COG5: variants seen among roughly 807,000 people sequenced by gnomAD.
COG5 encodes the protein component of oligomeric golgi complex 5, also known as conserved oligomeric Golgi complex subunit 5.
Under a neutral mutation model 110.4 loss-of-function variants are expected in COG5, and 86 were observed. The ratio of observed to expected loss-of-function variants is 0.78; its 90% CI spans 0.65 to 0.93. COG5 has a LOEUF of 0.93. COG5 is among the 40% of genes least tolerant of loss of function. The pLI is 0.00. For synonymous variants in COG5, 360 were observed against 334.6 expected (o/e 1.08, Z -0.83); for missense variants, 1,077 against 987.0 (o/e 1.09, Z -1.22).
At chr7:107,280,999 C>T (rs1805120296) in intron 14 of COG5, among the ~76,000 whole-genome samples, 1 of 151,460 alleles carries the variant, frequency 6.6e-6, no homozygotes, top group African/African-American at 2.4e-5. Context: ...ATGTAAATTA[C>T]TAAAATATTT....
At chr7:107,411,449 G>A (rs1036488950) in intron 7 of COG5, among the ~76,000 whole-genome samples, 3 of 151,992 alleles carry the variant, frequency 2.0e-5, no homozygotes, top group Non-Finnish European at 4.4e-5. Context: ...AATGTTAGAA[G>A]TTAGAATAAT....
intron 17 of COG5, among the ~76,000 whole-genome samples, chr7:107,242,548 G>A (rs1212350161): frequency 6.6e-6 from 1 of 152,230 alleles, no homozygotes; most frequent in Non-Finnish European, 1.5e-5. Flanking sequence ...GCCTCCAGTG[G>A]CAGCTGAGAG....
intron 11 of COG5, among the ~76,000 whole-genome samples, chr7:107,306,077 G>C (rs1282538774): frequency 6.6e-6 from 1 of 151,930 alleles, no homozygotes; most frequent in Non-Finnish European, 1.5e-5. Flanking sequence ...CAAATACTAA[G>C]GGCCATACAG....
intron 10 of COG5, among the ~76,000 whole-genome samples, chr7:107,347,664 T>C (rs1811743331): frequency 6.6e-6 from 1 of 152,230 alleles, no homozygotes; most frequent in East Asian, 1.9e-4. Context: ...ACACATTATA[T>C]GTATCACATC....
At chr7:107,520,715 C>T (rs1044744879) in intron 6 of COG5, among the ~76,000 whole-genome samples, 1 of 152,194 alleles carries the variant, frequency 6.6e-6, no homozygotes, top group Admixed American at 6.5e-5. Flanking sequence ...AATGGCCATA[C>T]TATCCAAAGT....
chr7:107,268,024 A>C (rs1381401938), intron 14 of COG5, among the ~76,000 whole-genome samples: 1 of 152,196 alleles, frequency 6.6e-6, no homozygotes, highest in South Asian at 2.1e-4. Flanking sequence ...GCTGAAGTGC[A>C]ATGGCACAAT....
At chr7:107,560,217 C>T (rs1803668155) in intron 1 of COG5, among the ~76,000 whole-genome samples, 1 of 152,128 alleles carries the variant, frequency 6.6e-6, no homozygotes, top group Non-Finnish European at 1.5e-5. Flanking sequence ...TCAGCAAACA[C>T]TACAAAAATC....
Position 107,236,623 on chromosome 7 carries a change from A to C in COG5, c.1918T>G (p.Phe640Val). ...TAGTCACTCATAACTCTGGCAATGA[A>C]ACCTTGTAGCTCCTTCATGTACAGA... ...CSLYMKELQG[F>V]IARVMSDYFK... Residue 640 changes from phenylalanine to valine, a missense_variant, in exon 18 of 22, where the codon TTC (phenylalanine) becomes GTC (valine). By Grantham distance (50) the Phe-to-Val change is conservative. Coordinates refer to ENST00000297135, the MANE Select transcript of COG5 (RefSeq NM_006348.5). 6.2e-7 allele frequency: 1 copy of C among 1,614,182 alleles called. No individual in the cohort carries two copies. The highest frequency in any genetic ancestry group is 8.5e-7 in the Non-Finnish European group (1 of 1,180,016).
chr7:107,541,134 G>C (rs1394181808), intron 5 of COG5, among the ~76,000 whole-genome samples: 1 of 149,996 alleles, frequency 6.7e-6, no homozygotes, highest in South Asian at 2.1e-4. Flanking sequence ...CTGGGCAACA[G>C]AGCGGGACTC....
In COG5 at chr7:107,358,778, T is replaced by C. The variant is rs896607007; in HGVS notation, c.1026+3255A>G. On this transcript the variant is annotated intron_variant, in intron 10 of 21. Coordinates refer to ENST00000297135, the MANE Select transcript of COG5 (RefSeq NM_006348.5). ...GGACTCATAAGCTCAAGTTGAGTTT[T>C]CCCAGTAGACAGCACTTTTTGCATG... Among the ~76,000 whole-genome samples, 6 of 152,114 alleles carry C rather than the reference T, an allele frequency of 3.9e-5. No homozygotes were observed. In the East Asian group the frequency reaches 1.2e-3, roughly 30 times the overall value.
At chr7:107,509,522 C>T (rs1222490183) in intron 6 of COG5, among the ~76,000 whole-genome samples, 3 of 152,164 alleles carry the variant, frequency 2.0e-5, no homozygotes, top group Non-Finnish European at 4.4e-5. Flanking sequence ...GGCAGGCCAA[C>T]ATTCAGATTC....
At chr7:107,405,755 G>A (rs1453670408) in intron 7 of COG5, among the ~76,000 whole-genome samples, 1 of 146,226 alleles carries the variant, frequency 6.8e-6, no homozygotes, top group Admixed American at 6.7e-5. Flanking sequence ...AACTGCCAAG[G>A]TGATAGTATT....
At chr7:107,429,942 G>A (rs746563183) in intron 6 of COG5, among the ~76,000 whole-genome samples, 6 of 152,214 alleles carry the variant, frequency 3.9e-5, no homozygotes, top group Admixed American at 1.3e-4. Context: ...GCATGAAAAC[G>A]GACTAATACA....
intron 10 of COG5, among the ~76,000 whole-genome samples, chr7:107,360,159 T>C (rs893440225): frequency 6.6e-6 from 1 of 152,184 alleles, no homozygotes; most frequent in Admixed American, 6.5e-5. Context: ...TCAGATCTCC[T>C]CTACACTGAG....
chr7:107,241,424 C>CTATA (rs1285870594), intron 17 of COG5, among the ~76,000 whole-genome samples: 5 of 132,544 alleles, frequency 3.8e-5, no homozygotes, highest in Non-Finnish European at 6.7e-5. Context: ...ATCCATCTAT[C>CTATA]TATCTATATA....
At chr7:107,229,652 T>A (rs2116392515) in intron 19 of COG5, among the ~76,000 whole-genome samples, 1 of 152,222 alleles carries the variant, frequency 6.6e-6, no homozygotes, top group Middle Eastern at 3.4e-3. Context: ...GACAAGGACT[T>A]TTCTCTCTAT....
At chr7:107,337,164 A>G (rs1206332105) in intron 10 of COG5, among the ~76,000 whole-genome samples, 1 of 152,164 alleles carries the variant, frequency 6.6e-6, no homozygotes, top group Non-Finnish European at 1.5e-5. Flanking sequence ...ACTGGTGAGG[A>G]TGCAGGGAAA....
chr7:107,322,493 T>A (rs373213715), intron 11 of COG5, among the ~76,000 whole-genome samples: 1 of 152,152 alleles, frequency 6.6e-6, no homozygotes, highest in African/African-American at 2.4e-5. Context: ...GAAAGCATCA[T>A]TAGTCTAGTG....
chr7:107,336,473 T>A (rs118059795), intron 10 of COG5, among the ~76,000 whole-genome samples: 2 of 152,138 alleles, frequency 1.3e-5, no homozygotes, highest in Admixed American at 1.3e-4. Flanking sequence ...CAGAGTTCGA[T>A]AGATCAGCAG....
Sources: gnomAD v4.1 joint callset for allele counts (sites outside exome capture counted in the v4.1 genomes callset) on GRCh38, gnomAD v4.1.1 for gene constraint, MANE v1.5 for transcripts, NCBI Gene and HGNC (gene_info 2026-07-23, HGNC 2026-07-21) for gene names.